ADGRB3: variants seen among roughly 807,000 people sequenced by gnomAD.
ADGRB3 encodes the protein adhesion G protein-coupled receptor B3, also known as brain-specific angiogenesis inhibitor 3.
A neutral mutation model predicts 193.4 loss-of-function variants in ADGRB3; 37 were observed. The ratio of observed to expected loss-of-function variants is 0.19; its 90% CI spans 0.15 to 0.25. The LOEUF is 0.25. Ranked by LOEUF, ADGRB3 falls within the 10% of genes least tolerant of loss-of-function variation. The pLI, the probability that ADGRB3 is intolerant of heterozygous loss-of-function variation, is 1.00. For synonymous variants in ADGRB3, 690 were observed against 644.2 expected (o/e 1.07, Z -1.08); for missense variants, 1,637 against 1,852.9 (o/e 0.88, Z 2.14).
chr6:68,750,360 G>A (rs1320024287), intron 3 of ADGRB3, among the ~76,000 whole-genome samples: 1 of 152,000 alleles, frequency 6.6e-6, no homozygotes, highest in African/African-American at 2.4e-5. Flanking sequence ...TTCAGAAAAG[G>A]GCTAATCAAA....
intron 3 of ADGRB3, among the ~76,000 whole-genome samples, chr6:68,917,050 G>C (rs545681419): frequency 6.6e-6 from 1 of 152,286 alleles, no homozygotes; most frequent in South Asian, 2.1e-4. Flanking sequence ...CATTACATTG[G>C]TCCAAGTGAT....
intron 17 of ADGRB3, among the ~76,000 whole-genome samples, chr6:69,182,408 G>GAA (rs35063094): frequency 0.06 from 8,321 of 138,576 alleles, 328 homozygotes; most frequent in Non-Finnish European, 0.091. Context: ...ACAACAACAA[G>GAA]AAAAAAAAAA....
chr6:69,113,179 C>T (rs764888255), intron 17 of ADGRB3, among the ~76,000 whole-genome samples: 2 of 151,940 alleles, frequency 1.3e-5, no homozygotes, highest in Non-Finnish European at 2.9e-5. Flanking sequence ...GGAACCAATC[C>T]CCTACAGATG....
chr6:68,663,087 T>G (rs1768708633), intron 3 of ADGRB3, among the ~76,000 whole-genome samples: 2 of 151,426 alleles, frequency 1.3e-5, no homozygotes, highest in Admixed American at 1.3e-4. Flanking sequence ...ATACATAAGA[T>G]AAACATTTAA....
intron 3 of ADGRB3, among the ~76,000 whole-genome samples, chr6:68,885,576 A>G (rs2150226683): frequency 6.6e-6 from 1 of 152,310 alleles, no homozygotes. Flanking sequence ...ACAGAAGGAC[A>G]AATGCTGCAT....
At chr6:68,971,359 C>G (rs1187533252) in intron 8 of ADGRB3, among the ~76,000 whole-genome samples, 4 of 152,086 alleles carry the variant, frequency 2.6e-5, no homozygotes, top group Non-Finnish European at 5.9e-5. Context: ...CTACTAAAAT[C>G]CTGTCTACTC....
At chr6:68,741,503 G>C (rs1400807741) in intron 3 of ADGRB3, among the ~76,000 whole-genome samples, 1 of 151,938 alleles carries the variant, frequency 6.6e-6, no homozygotes, top group Non-Finnish European at 1.5e-5. Context: ...CCTCCAACCT[G>C]AGCCTCCCGA....
intron 17 of ADGRB3, among the ~76,000 whole-genome samples, chr6:69,225,722 T>C (rs1765997497): frequency 6.6e-6 from 1 of 152,210 alleles, no homozygotes; most frequent in South Asian, 2.1e-4. Flanking sequence ...CCTGGATGGA[T>C]GTGGGAGCTT....
chr6:69,301,989 C>G (rs1767958346), intron 20 of ADGRB3, among the ~76,000 whole-genome samples: 1 of 151,860 alleles, frequency 6.6e-6, no homozygotes, highest in Admixed American at 6.6e-5. Context: ...TGGTTTGATG[C>G]TTTTAGAAAG....
At chr6:68,843,060 A>AAC (rs1768195302) in intron 3 of ADGRB3, among the ~76,000 whole-genome samples, 1 of 149,544 alleles carries the variant, frequency 6.7e-6, no homozygotes, top group African/African-American at 2.5e-5. Flanking sequence ...ACAAAAAAAA[A>AAC]AACAGGAAAT....
chr6:69,100,852 G>GGGAA (rs1193487031), intron 17 of ADGRB3, among the ~76,000 whole-genome samples: 1 of 15,816 alleles, frequency 6.3e-5, no homozygotes. Context: ...GAGGGAGGGA[G>GGGAA]GGAAGGAAGG....
chr6:69,073,874 G>A lies in ADGRB3; in HGVS notation c.2437-2121G>A, dbSNP rs141398185. Among the ~76,000 whole-genome samples the A allele has an allele frequency of 3.2e-3, 492 of 152,160 alleles. 1 individual carries two copies. The highest frequency in any genetic ancestry group is 0.011 in the African/African-American group (452 of 41,504). On this transcript the variant is annotated intron_variant, in intron 16 of 31. Transcript: ENST00000370598. ...ACTGGCAGAGTCATGGCCGACCTCC[G>A]CCCCAGTCTTTCATCTGGAGGAGAG... is the stretch of plus-strand genomic sequence containing the variant.
rs945550962 is a variant in ADGRB3, at chr6:68,961,440, T to C, written c.1525+4631T>C. 2.0e-5 allele frequency among the ~76,000 whole-genome samples: 3 copies of C among 152,200 alleles called. 1 individual carries two copies. Among genetic ancestry groups the C allele is most frequent in the Non-Finnish European group, 4.4e-5 (3 of 68,036 alleles). On this transcript the variant is annotated intron_variant, in intron 8 of 31. Transcript: ENST00000370598. ...AGGTATTAGCTAATTAGCTAATATA[T>C]ACACATACACTTATAAAATACTTGG...
chr6:68,653,426 A>C (rs147485376), intron 3 of ADGRB3, among the ~76,000 whole-genome samples: 2 of 152,072 alleles, frequency 1.3e-5, no homozygotes, highest in African/African-American at 4.8e-5. Context: ...TGTAATCCAG[A>C]TGTAATAAGG....
chr6:69,058,221 A>G (rs961554510), intron 15 of ADGRB3, among the ~76,000 whole-genome samples: 1 of 151,850 alleles, frequency 6.6e-6, no homozygotes, highest in Non-Finnish European at 1.5e-5. Context: ...GTATGTTGAC[A>G]TATAATTAAT....
At chr6:68,967,361 C>A (rs893694586) in intron 8 of ADGRB3, among the ~76,000 whole-genome samples, 3 of 152,118 alleles carry the variant, frequency 2.0e-5, no homozygotes, top group African/African-American at 7.2e-5. Context: ...AGGAAAACAA[C>A]TATTTAATCA....
At chr6:69,357,788 C>G (rs1769366093) in intron 28 of ADGRB3, among the ~76,000 whole-genome samples, 1 of 151,920 alleles carries the variant, frequency 6.6e-6, no homozygotes, top group Admixed American at 6.6e-5. Flanking sequence ...CATTAGAAAT[C>G]ACTATCTCCT....
At chr6:68,752,240 A>G (rs1050823783) in intron 3 of ADGRB3, among the ~76,000 whole-genome samples, 4 of 151,690 alleles carry the variant, frequency 2.6e-5, no homozygotes, top group African/African-American at 9.7e-5. Flanking sequence ...ATTTGGCCCA[A>G]TAATGGTGAT....
intron 17 of ADGRB3, among the ~76,000 whole-genome samples, chr6:69,154,647 A>G (rs1156509216): frequency 6.6e-6 from 1 of 152,174 alleles, no homozygotes; most frequent in Non-Finnish European, 1.5e-5. Context: ...CACATAGCAC[A>G]TGGTAATGAG....
Sources: gnomAD v4.1 joint callset for allele counts (sites outside exome capture counted in the v4.1 genomes callset) on GRCh38, gnomAD v4.1.1 for gene constraint, MANE v1.5 for transcripts, NCBI Gene and HGNC (gene_info 2026-07-23, HGNC 2026-07-21) for gene names.